Variants in NPAS3 observed in about 807,000 individuals in gnomAD.
NPAS3 encodes neuronal PAS domain protein 3, also known as neuronal PAS domain-containing protein 3.
A neutral mutation model predicts 73.1 loss-of-function variants in NPAS3; 14 were observed. The observed-to-expected ratio is 0.19, with a 90% CI of 0.13 to 0.30. The LOEUF is 0.30. NPAS3 is among the 10% of genes least tolerant of loss of function. The probability of loss-of-function intolerance (pLI) is 1.00; values close to 1 mark genes in which losing one functional copy is unlikely to be tolerated. For missense variants in NPAS3, 1,096 were observed against 1,250.0 expected (o/e 0.88, Z 1.86); for synonymous variants, 620 against 541.5 (o/e 1.14, Z -2.01).
intron 2 of NPAS3, among the ~76,000 whole-genome samples, chr14:33,208,115 T>TC (rs397745894): frequency 1.7e-4 from 26 of 151,604 alleles, no homozygotes; most frequent in South Asian, 8.3e-4. Context: ...GTTTTTTTTT[T>TC]CCGTTATTAT....
chr14:33,772,532 T>C (rs55823141), intron 7 of NPAS3, among the ~76,000 whole-genome samples: 1 of 152,210 alleles, frequency 6.6e-6, no homozygotes, highest in Non-Finnish European at 1.5e-5. Context: ...TTATTTAGCA[T>C]ATCATTTCTG....
chr14:33,465,764 A>G (rs1411205160), intron 4 of NPAS3, among the ~76,000 whole-genome samples: 1 of 152,062 alleles, frequency 6.6e-6, no homozygotes, highest in Non-Finnish European at 1.5e-5. Context: ...TATTCAATTT[A>G]TTTATATTTT....
At chr14:33,612,391 T>C in intron 5 of NPAS3, 1 of 456,010 alleles carries the variant, frequency 2.2e-6, no homozygotes. Context: ...TGTTGTCTTT[T>C]CTACCCTCCA....
At chr14:32,961,450 G>T (rs1027279490) in intron 1 of NPAS3, among the ~76,000 whole-genome samples, 1 of 151,106 alleles carries the variant, frequency 6.6e-6, no homozygotes, top group African/African-American at 2.4e-5. Flanking sequence ...AATTCATATC[G>T]GATTGTAGTA....
chr14:33,429,533 C>T (rs1375090805), intron 4 of NPAS3, among the ~76,000 whole-genome samples: 1 of 152,152 alleles, frequency 6.6e-6, no homozygotes, highest in Non-Finnish European at 1.5e-5. Flanking sequence ...AAACAGAGCA[C>T]AGCATGTACT....
chr14:33,506,801 G>A (rs1158693194), intron 4 of NPAS3, among the ~76,000 whole-genome samples: 1 of 152,000 alleles, frequency 6.6e-6, no homozygotes, highest in East Asian at 1.9e-4. Context: ...TAGGAAGACA[G>A]TCTCCCCCCT....
At chr14:33,312,674 C>T (rs890571166) in intron 3 of NPAS3, among the ~76,000 whole-genome samples, 3 of 151,858 alleles carry the variant, frequency 2.0e-5, no homozygotes, top group African/African-American at 7.3e-5. Flanking sequence ...TTTCCTTATG[C>T]TTGTGGTTAT....
intron 5 of NPAS3, among the ~76,000 whole-genome samples, chr14:33,661,358 C>G (rs181816973): frequency 6.6e-6 from 1 of 152,164 alleles, no homozygotes; most frequent in African/African-American, 2.4e-5. Flanking sequence ...ATTGAGTGAC[C>G]TTCTACAAAA....
At chr14:33,659,819 G>T (rs10498316) in intron 5 of NPAS3, among the ~76,000 whole-genome samples, 60,411 of 151,964 alleles carry the variant, frequency 0.4, 12,274 homozygotes, top group Non-Finnish European at 0.44. Flanking sequence ...GTTGTGCTTA[G>T]GTAGTGCTGT....
chr14:33,321,940 A>G (rs1299831513), intron 3 of NPAS3, among the ~76,000 whole-genome samples: 6 of 152,156 alleles, frequency 3.9e-5, no homozygotes, highest in Admixed American at 3.3e-4. Context: ...TAGACAGATA[A>G]GAGGTGGCAG....
chr14:32,977,356 GCA>G lies in NPAS3; in HGVS notation c.50+38014_50+38015del, dbSNP rs3057259. The stretch of plus-strand genomic sequence containing the variant: ...TTTCTACGAGTTTTGTCTCTGACAC[GCA>G]CACACACACACACACACACACACCC... On this transcript the variant is annotated intron_variant, in intron 1 of 11. Transcript: ENST00000356141. Among the ~76,000 whole-genome samples, 11 of 141,544 alleles carry G rather than the reference GCA, an allele frequency of 7.8e-5. 1 individual carries two copies. Among genetic ancestry groups the G allele is most frequent in the African/African-American group, 2.6e-4 (10 of 38,496 alleles). The allele number at this position is 141,544 out of a possible 152,430, so 92.9% of individuals were successfully genotyped here.
In NPAS3 at chr14:33,401,565, CTT is replaced by C. The variant is rs140974871; in HGVS notation, c.468+34299_468+34300del. On this transcript the variant is annotated intron_variant, in intron 4 of 11. Transcript: ENST00000356141. Reference sequence around the variant, plus strand: ...AGCTCAGCTGCATGCCTTTGATTGTCTTTCCTTCCTCACTGTGAACTGAGTAT... The same window carrying C: ...AGCTCAGCTGCATGCCTTTGATTGTCTCCTTCCTCACTGTGAACTGAGTAT... 8.3e-4 allele frequency among the ~76,000 whole-genome samples: 126 copies of C among 152,194 alleles called. 1 individual carries two copies. The East Asian group carries it at 0.022, about 27-fold the overall frequency.
At chr14:33,706,039 G>T (rs2060647318) in intron 6 of NPAS3, among the ~76,000 whole-genome samples, 2 of 152,314 alleles carry the variant, frequency 1.3e-5, no homozygotes, top group African/African-American at 2.4e-5. Flanking sequence ...ACTGCTAGGG[G>T]AGGCCCTGTG....
intron 3 of NPAS3, among the ~76,000 whole-genome samples, chr14:33,337,378 C>T (rs2044276924): frequency 6.6e-6 from 1 of 152,012 alleles, no homozygotes; most frequent in Admixed American, 6.6e-5. Flanking sequence ...GCCTTGACAC[C>T]TCTGTTGCAT....
At chr14:33,147,730 A>ATATATATATAT (rs1555344654) in intron 2 of NPAS3, among the ~76,000 whole-genome samples, 44 of 130,352 alleles carry the variant, frequency 3.4e-4, no homozygotes, top group African/African-American at 1.3e-3. Context: ...TAGAATAAAA[A>ATATATATATAT]ATATATATAT....
rs577617880 is a variant in NPAS3, at chr14:33,572,635, G to A, written c.558+12425G>A. Among the ~76,000 whole-genome samples, 3 of 152,270 alleles carry A rather than the reference G, an allele frequency of 2.0e-5. No homozygotes were observed. In the East Asian group the frequency reaches 5.8e-4, roughly 29 times the overall value. On this transcript the variant is annotated intron_variant, in intron 5 of 11. Coordinates refer to ENST00000356141, the Ensembl canonical transcript of NPAS3. ...TTAACCAGGAACGCTAGTTACCTCT[G>A]GACGGTTTACGTAACTGGCATGTCA... is the stretch of plus-strand genomic sequence containing the variant.
intron 3 of NPAS3, among the ~76,000 whole-genome samples, chr14:33,291,245 G>A (rs748945532): frequency 1.1e-4 from 17 of 152,262 alleles, no homozygotes; most frequent in Middle Eastern, 6.8e-3. Flanking sequence ...TGAGGATGCT[G>A]TTAAGAGAGA....
chr14:33,325,039 C>T (rs867629517), intron 3 of NPAS3, among the ~76,000 whole-genome samples: 12 of 152,010 alleles, frequency 7.9e-5, no homozygotes, highest in Admixed American at 2.0e-4. Context: ...CCATGCCCAC[C>T]GGGTACAGTC....
chr14:33,409,551 A>T (rs952800008), intron 4 of NPAS3, among the ~76,000 whole-genome samples: 3 of 152,174 alleles, frequency 2.0e-5, no homozygotes, highest in Admixed American at 2.0e-4. Flanking sequence ...AATAGAAAAA[A>T]ATTCATAGTA....
Sources: allele counts gnomAD v4.1 joint callset (sites outside exome capture counted in the v4.1 genomes callset), GRCh38; gene constraint gnomAD v4.1.1; transcripts MANE v1.5; gene names NCBI Gene and HGNC (gene_info 2026-07-23, HGNC 2026-07-21).